AMOTL1: variants seen among roughly 807,000 people sequenced by gnomAD.
The protein encoded by AMOTL1 is angiomotin like 1, also known as angiomotin-like protein 1.
In AMOTL1, 45 loss-of-function variants were observed where a neutral mutation model predicts 102.9. The ratio of observed to expected loss-of-function variants is 0.44; its 90% CI spans 0.34 to 0.56. AMOTL1 has a LOEUF of 0.56. Among genes scored for constraint, AMOTL1 ranks in the 20% least tolerant of loss-of-function variants. The pLI is 0.01. For missense variants in AMOTL1, 1,114 were observed against 1,225.6 expected (o/e 0.91, Z 1.36); for synonymous variants, 481 against 484.7 (o/e 0.99, Z 0.10).
At chr11:94,730,781 C>T (rs372087931) in intron 2 of AMOTL1, among the ~76,000 whole-genome samples, 2 of 152,152 alleles carry the variant, frequency 1.3e-5, no homozygotes, top group East Asian at 3.9e-4. Context: ...TATACAACTG[C>T]TTCTGGCACC....
In AMOTL1 at chr11:94,875,222, A is replaced by T. The variant is rs1219140401; in HGVS notation, c.*4427A>T. On this transcript the variant is annotated 3_prime_UTR_variant, in exon 13 of 13. Transcript: ENST00000433060. ...GTGTGGCTCCATGGGAGATAGGCAAAGTAATTAAGAAGTTACCAGAAATTG... is the reference window on the plus strand; with the variant it reads ...GTGTGGCTCCATGGGAGATAGGCAATGTAATTAAGAAGTTACCAGAAATTG... 1 of 152,254 alleles carries T rather than the reference A, an allele frequency of 6.6e-6. No homozygotes were observed. 9.4% of individuals were successfully genotyped at this position (152,254 alleles called of 1,614,324 possible). A position where few individuals can be genotyped will look rare whatever the true frequency, so the allele number is the denominator to read the frequency against.
rs201785334 is a variant in AMOTL1, at chr11:94,866,021, G to A, written c.2341G>A (p.Gly781Arg). ...VLQQRSRKDAGKTDSSSLRPA... is the reference protein window; with the variant it reads ...VLQQRSRKDARKTDSSSLRPA... ...GCAGCAGCGATCTCGTAAAGATGCCGGGAAGACAGACTCCTCCAGCCTACG... is the reference window on the plus strand; with the variant it reads ...GCAGCAGCGATCTCGTAAAGATGCCAGGAAGACAGACTCCTCCAGCCTACG... Residue 781 changes from glycine to arginine, a missense_variant, in exon 11 of 13, where the codon GGG becomes AGG. Coordinates refer to ENST00000433060, the MANE Select transcript of AMOTL1 (RefSeq NM_130847.3). 1,811 of 1,613,882 alleles carry A rather than the reference G, an allele frequency of 1.1e-3. 3 individuals carry two copies. Among genetic ancestry groups the A allele is most frequent in the Non-Finnish European group, 1.2e-3 (1,435 of 1,179,882 alleles).
Position 94,869,235 on chromosome 11 carries a change from T to A in AMOTL1, c.2526T>A (p.Ser842=). 6.2e-7 allele frequency: 1 copy of A among 1,610,864 alleles called. No individual in the cohort carries two copies. The highest frequency in any genetic ancestry group is 8.5e-7 in the Non-Finnish European group (1 of 1,178,016). ...GGAAGGAGCACCATGAGCATGCCTC[T>A]GCCCCACTGCTGCCACCCCCACCCA... is the stretch of plus-strand genomic sequence containing the variant. ...LLGKEHHEHA[S]APLLPPPPTS... The change falls in exon 12 of 13, where the codon TCT becomes TCA. Residue 842 remains serine, a synonymous_variant. Transcript: ENST00000433060.
chr11:94,831,613 T>G, intron 6 of AMOTL1, 72 bp downstream of exon 6: 1 of 1,314,162 alleles, frequency 7.6e-7, no homozygotes, highest in South Asian at 1.3e-5. Flanking sequence ...AGAATCATAT[T>G]AGTTTCAAGT....
Position 94,814,372 on chromosome 11 carries a change from C to T in AMOTL1, c.1122-7158C>T, listed in dbSNP as rs149064605. 4.5e-3 allele frequency among the ~76,000 whole-genome samples: 684 copies of T among 152,288 alleles called. 12 individuals carry two copies. Among genetic ancestry groups the T allele is most frequent in the South Asian group, 0.035 (169 of 4,826 alleles). On this transcript the variant is annotated intron_variant, in intron 3 of 12. Coordinates refer to ENST00000433060, the MANE Select transcript of AMOTL1 (RefSeq NM_130847.3). ...ACTGGCCTCACAAATAACTCAGTTACGCATTCATGCTAATAAATACCACAT... is the reference window on the plus strand; with the variant it reads ...ACTGGCCTCACAAATAACTCAGTTATGCATTCATGCTAATAAATACCACAT...
chr11:94,740,883 G>T, intron 2 of AMOTL1: 2 of 1,264,040 alleles, frequency 1.6e-6, no homozygotes, highest in Non-Finnish European at 1.0e-6. Context: ...TGCTTGTGCG[G>T]GTTCGTCCTG....
rs1450587620 is a variant in AMOTL1 at position 94,874,167 on chromosome 11, G to A, written c.*3372G>A. 1.3e-5 allele frequency: 2 copies of A among 152,266 alleles called. No homozygotes were observed. The highest frequency in any genetic ancestry group is 2.9e-5 in the Non-Finnish European group (2 of 68,064). The allele number at this position is 152,266 out of a possible 1,614,324, so 9.4% of individuals were successfully genotyped here. The stretch of plus-strand genomic sequence containing the variant: ...AGTTGGAGTCAGGTCTCTGAAGCTA[G>A]AGTTTCACTAATTAGATGCCTCTGT... On this transcript the variant is annotated 3_prime_UTR_variant, in exon 13 of 13. Transcript: ENST00000433060.
chr11:94,718,096 A>T (rs1950122558), intron 1 of AMOTL1, among the ~76,000 whole-genome samples: 1 of 151,952 alleles, frequency 6.6e-6, no homozygotes, highest in Non-Finnish European at 1.5e-5. Context: ...CTTCCCTAGA[A>T]GTATCTCTAT....
chr11:94,854,668 G>A (rs979207960), intron 8 of AMOTL1, among the ~76,000 whole-genome samples: 7 of 152,270 alleles, frequency 4.6e-5, no homozygotes, highest in African/African-American at 1.7e-4. Flanking sequence ...TGATGTCAGA[G>A]GACCATCCAG....
At chr11:94,805,749 AT>A (rs1397745110) in intron 3 of AMOTL1, among the ~76,000 whole-genome samples, 1 of 152,094 alleles carries the variant, frequency 6.6e-6, no homozygotes, top group Non-Finnish European at 1.5e-5. Flanking sequence ...CGTTAATTTG[AT>A]TTTTTGGTAT....
rs532491356 is a variant in AMOTL1, at chr11:94,816,029, TA to T, written c.1122-5494del. ...TTCTAGAGATTGTGTTTTGATATTT[TA>T]AAAAAACACTTATGCACTAAAGAAT... is the stretch of plus-strand genomic sequence containing the variant. On this transcript the variant is annotated intron_variant, in intron 3 of 12. Coordinates refer to ENST00000433060, the MANE Select transcript of AMOTL1 (RefSeq NM_130847.3). 1.5e-3 allele frequency among the ~76,000 whole-genome samples: 230 copies of T among 152,216 alleles called. 1 individual carries two copies. The highest frequency in any genetic ancestry group is 4.6e-3 in the African/African-American group (192 of 41,542).
intron 1 of AMOTL1, among the ~76,000 whole-genome samples, chr11:94,721,623 C>T (rs1453466928): frequency 1.3e-5 from 2 of 152,050 alleles, no homozygotes; most frequent in South Asian, 2.1e-4. Context: ...TGGTCATCAG[C>T]AACCTAGGAA....
intron 3 of AMOTL1, among the ~76,000 whole-genome samples, chr11:94,806,893 T>G (rs1313150451): frequency 6.6e-6 from 1 of 152,070 alleles, no homozygotes; most frequent in Non-Finnish European, 1.5e-5. Flanking sequence ...GGGGTCCAGG[T>G]GGGAAGTTAC....
chr11:94,761,786 A>G (rs1950796711), intron 3 of AMOTL1, among the ~76,000 whole-genome samples: 1 of 152,052 alleles, frequency 6.6e-6, no homozygotes, highest in African/African-American at 2.4e-5. Context: ...GAATTTCCCC[A>G]CTTCTCTGTC....
chr11:94,850,339 C>G (rs1224195014), intron 7 of AMOTL1, 80 bp downstream of exon 7: 1 of 1,457,246 alleles, frequency 6.9e-7, no homozygotes, highest in African/African-American at 1.4e-5. Flanking sequence ...TCCTAACCCA[C>G]CTACTTTAAC....
chr11:94,829,308 C>G (rs992303548), intron 4 of AMOTL1, among the ~76,000 whole-genome samples: 6 of 150,516 alleles, frequency 4.0e-5, no homozygotes, highest in Non-Finnish European at 8.8e-5. Context: ...CTGCAACCTT[C>G]GCCTCCCAGG....
chr11:94,775,396 A>C (rs961103609), intron 1 of AMOTL1, among the ~76,000 whole-genome samples: 2 of 152,182 alleles, frequency 1.3e-5, no homozygotes, highest in African/African-American at 4.8e-5. Flanking sequence ...GTAAGGACCA[A>C]AGGAGAGCCC....
At chr11:94,845,262 C>T (rs1952384831) in intron 6 of AMOTL1, among the ~76,000 whole-genome samples, 1 of 152,206 alleles carries the variant, frequency 6.6e-6, no homozygotes, top group Non-Finnish European at 1.5e-5. Flanking sequence ...AAGGGTAAGA[C>T]AGAAAGGGGA....
intron 3 of AMOTL1, among the ~76,000 whole-genome samples, chr11:94,742,786 A>T (rs1230861048): frequency 2.0e-5 from 3 of 152,174 alleles, no homozygotes. Flanking sequence ...TAAGATCAAG[A>T]AACTGGCAGG....
Sources: allele counts gnomAD v4.1 joint callset (sites outside exome capture counted in the v4.1 genomes callset), GRCh38; gene constraint gnomAD v4.1.1; transcripts MANE v1.5; gene names NCBI Gene and HGNC (gene_info 2026-07-23, HGNC 2026-07-21).